Variants in TPH2 observed in about 807,000 individuals in gnomAD.
TPH2 encodes the protein tryptophan hydroxylase 2.
TPH2 carries 27 observed loss-of-function variants against 59.1 expected under a neutral mutation model. That is an observed-to-expected ratio of 0.46 (90% CI 0.34 to 0.63). TPH2 has a LOEUF of 0.63. Ranked by LOEUF, TPH2 falls within the 30% of genes least tolerant of loss-of-function variation. The pLI is 0.01. For synonymous variants in TPH2, 220 were observed against 210.5 expected (o/e 1.05, Z -0.39); for missense variants, 523 against 588.3 (o/e 0.89, Z 1.15).
chr12:71,979,117 C>A, intron 7 of TPH2, 30 bp downstream of exon 7: 1 of 1,613,994 alleles, frequency 6.2e-7, no homozygotes, highest in African/African-American at 1.3e-5. Context: ...CCCAGGCCAC[C>A]ACACCATAAA....
intron 8 of TPH2, among the ~76,000 whole-genome samples, chr12:72,018,490 G>A (rs1873317996): frequency 6.6e-6 from 1 of 152,124 alleles, no homozygotes; most frequent in Admixed American, 6.5e-5. Flanking sequence ...GGCTCTCTTA[G>A]CGTGTTTTGG....
At chr12:71,944,837 C>A in intron 4 of TPH2, 151 bp downstream of exon 4, 1 of 786,886 alleles carries the variant, frequency 1.3e-6, no homozygotes, top group Non-Finnish European at 2.2e-6. Flanking sequence ...AATGATAAAG[C>A]TTCCCTGTAC....
intron 5 of TPH2, among the ~76,000 whole-genome samples, chr12:71,951,709 T>TGC (rs1408370069): frequency 6.6e-6 from 1 of 151,750 alleles, no homozygotes; most frequent in Admixed American, 6.6e-5. Context: ...TGCATGTGTG[T>TGC]GTGTGTGTGT....
Position 71,972,608 on chromosome 12 carries a change from C to A in TPH2, c.698C>A (p.Thr233Asn). ...VFRELSKLYP[T>N]HACREYLKNF... ...CGGGAGCTCTCCAAACTCTATCCCA[C>A]TCATGCTTGCCGAGAGTATTTGAAA... The change falls in exon 6 of 11, where the codon ACT (threonine) becomes AAT (asparagine). Residue 233 changes from threonine to asparagine, a missense_variant. Transcript: ENST00000333850. The A allele has an allele frequency of 6.2e-7, 1 of 1,614,184 alleles. No homozygotes were observed. The highest frequency in any genetic ancestry group is 2.2e-5 in the East Asian group (1 of 44,884).
At position 71,972,567 on chromosome 12, in the gene TPH2, T is replaced by C; in HGVS notation, c.657T>C (p.Thr219=). 1 of 1,614,128 alleles carries C rather than the reference T, an allele frequency of 6.2e-7. No homozygotes were observed. Among genetic ancestry groups the C allele is most frequent in the African/African-American group, 1.3e-5 (1 of 75,034 alleles). The change falls in exon 6 of 11, where the codon ACT becomes ACC. Residue 219 remains threonine (T), a synonymous_variant. Coordinates refer to ENST00000333850, the MANE Select transcript of TPH2 (RefSeq NM_173353.4). ...AGTATACTGAAGAAGAAACTAAAAC[T>C]TGGGGTGTTGTATTCCGGGAGCTCT... is the stretch of plus-strand genomic sequence containing the variant. The part of the protein sequence containing the change: ...RVEYTEEETK[T]WGVVFRELSK...
intron 5 of TPH2, among the ~76,000 whole-genome samples, chr12:71,971,753 T>C (rs990671673): frequency 3.9e-5 from 6 of 152,212 alleles, no homozygotes; most frequent in African/African-American, 1.4e-4. Flanking sequence ...ATGGGCCAAA[T>C]AAAGACAATT....
chr12:71,939,083 A>T lies in TPH2; in HGVS notation c.97A>T (p.Ser33Cys). The change falls in exon 1 of 11, where the codon AGC becomes TGC. Residue 33 changes from serine to cysteine, a missense_variant. Physicochemically the swap from Ser to Cys is moderately radical, Grantham distance 112. Coordinates refer to ENST00000333850, the MANE Select transcript of TPH2 (RefSeq NM_173353.4). Reference protein sequence around the residue: ...AVPEEHQLLGSSTLNKPNSGK... With the variant: ...AVPEEHQLLGCSTLNKPNSGK... ...GCCCGAAGAGCATCAGCTACTTGGCAGCTCAACAGTGAGTACTACGTACCT... is the reference window on the plus strand; with the variant it reads ...GCCCGAAGAGCATCAGCTACTTGGCTGCTCAACAGTGAGTACTACGTACCT... 1 of 1,613,668 alleles carries T rather than the reference A, an allele frequency of 6.2e-7. No homozygotes were observed. The highest frequency in any genetic ancestry group is 8.5e-7 in the Non-Finnish European group (1 of 1,179,694).
At chr12:71,971,601 T>C (rs934958554) in intron 5 of TPH2, among the ~76,000 whole-genome samples, 7 of 152,178 alleles carry the variant, frequency 4.6e-5, no homozygotes, top group African/African-American at 1.4e-4. Flanking sequence ...CTCCTGACTT[T>C]CTTTTTGTCG....
At chr12:71,979,384 G>A (rs1376495982) in intron 7 of TPH2, among the ~76,000 whole-genome samples, 1 of 152,160 alleles carries the variant, frequency 6.6e-6, no homozygotes, top group African/African-American at 2.4e-5. Flanking sequence ...GAAGTGTAAA[G>A]TAGACACTGA....
chr12:72,021,605 T>TGA (rs1421669973), intron 8 of TPH2, among the ~76,000 whole-genome samples: 1 of 152,184 alleles, frequency 6.6e-6, no homozygotes, highest in Non-Finnish European at 1.5e-5. Context: ...GTAAGTGTTC[T>TGA]GAGCACTGTT....
intron 8 of TPH2, among the ~76,000 whole-genome samples, chr12:72,020,858 A>G (rs1873392253): frequency 6.6e-6 from 1 of 152,144 alleles, no homozygotes; most frequent in Non-Finnish European, 1.5e-5. Flanking sequence ...GTTAAGCTCC[A>G]TGACCTGGAA....
At chr12:71,954,510 A>G (rs1871440566) in intron 5 of TPH2, among the ~76,000 whole-genome samples, 1 of 152,148 alleles carries the variant, frequency 6.6e-6, no homozygotes, top group African/African-American at 2.4e-5. Context: ...GTACCCCATG[A>G]TTAGATAATG....
intron 8 of TPH2, among the ~76,000 whole-genome samples, chr12:72,008,286 C>T (rs1272484625): frequency 6.6e-6 from 1 of 152,214 alleles, no homozygotes; most frequent in Non-Finnish European, 1.5e-5. Context: ...AATGGGCTAT[C>T]TCTACCTTGG....
chr12:72,030,667 A>G (rs1420142230), intron 9 of TPH2, among the ~76,000 whole-genome samples: 2 of 152,110 alleles, frequency 1.3e-5, no homozygotes, highest in East Asian at 1.9e-4. Flanking sequence ...TATCTGCTGT[A>G]TATTGCTCTG....
In TPH2 at chr12:71,940,213, T is replaced by A. The variant is rs139278486; in HGVS notation, c.105+1122T>A. On this transcript the variant is annotated intron_variant, in intron 1 of 10. Coordinates refer to ENST00000333850, the MANE Select transcript of TPH2 (RefSeq NM_173353.4). ...ATGTATGACCCTTTTATATAAAAAA[T>A]GCTACTTCTGTATGCAAGATCTGTG... Among the ~76,000 whole-genome samples the A allele has an allele frequency of 2.8e-3, 419 of 152,282 alleles. 4 individuals carry two copies. Among genetic ancestry groups the A allele is most frequent in the South Asian group, 0.015 (73 of 4,828 alleles).
At chr12:71,979,867 C>T (rs1355225187) in intron 7 of TPH2, among the ~76,000 whole-genome samples, 1 of 152,200 alleles carries the variant, frequency 6.6e-6, no homozygotes, top group Non-Finnish European at 1.5e-5. Flanking sequence ...CAAGCATTTA[C>T]TGGGAGACAA....
At position 71,989,121 on chromosome 12, in the gene TPH2, A is replaced by AT. The variant is rs1491359463; in HGVS notation, c.942-5318_942-5317insT. On this transcript the variant is annotated intron_variant, in intron 7 of 10. Coordinates refer to ENST00000333850, the MANE Select transcript of TPH2 (RefSeq NM_173353.4). Reference sequence around the variant, plus strand: ...TTATTAAAAAAAAAAAAAAAAAAAAAGGTGACTTTTTGTAGCTATACTGTG... The same window carrying AT: ...TTATTAAAAAAAAAAAAAAAAAAAAATGGTGACTTTTTGTAGCTATACTGTG... Among the ~76,000 whole-genome samples, 3 of 133,042 alleles carry AT rather than the reference A, an allele frequency of 2.3e-5. No individual in the cohort carries two copies. The East Asian group carries it at 7.2e-4, about 32-fold the overall frequency. 87.3% of individuals were successfully genotyped at this position (133,042 alleles called of 152,430 possible).
At chr12:71,973,485 C>T (rs1227803755) in intron 6 of TPH2, among the ~76,000 whole-genome samples, 2 of 152,182 alleles carry the variant, frequency 1.3e-5, no homozygotes, top group Admixed American at 1.3e-4. Context: ...GGGAAATTAC[C>T]CTATATAGCC....
intron 9 of TPH2, among the ~76,000 whole-genome samples, chr12:72,028,909 C>T (rs983886866): frequency 4.6e-5 from 7 of 152,200 alleles, no homozygotes; most frequent in Non-Finnish European, 8.8e-5. Flanking sequence ...TGTGAACCCA[C>T]TGGTTTTTCT....
Sources: gnomAD v4.1 joint callset for allele counts (sites outside exome capture counted in the v4.1 genomes callset) on GRCh38, gnomAD v4.1.1 for gene constraint, MANE v1.5 for transcripts, NCBI Gene and HGNC (gene_info 2026-07-23, HGNC 2026-07-21) for gene names.